Variants in NCKAP5 observed in about 807,000 individuals in gnomAD.
The protein encoded by NCKAP5 is NCK associated protein 5.
NCKAP5 carries 92 observed loss-of-function variants against 167.0 expected under a neutral mutation model. The observed-to-expected ratio is 0.55, with a 90% CI of 0.47 to 0.66. The LOEUF is 0.66. NCKAP5 is among the 30% of genes least tolerant of loss of function. The pLI is 0.00. For synonymous variants in NCKAP5, 891 were observed against 877.4 expected (o/e 1.02, Z -0.27); for missense variants, 2,378 against 2,315.0 (o/e 1.03, Z -0.56).
chr2:133,524,702 A>T (rs930180459), intron 2 of NCKAP5, among the ~76,000 whole-genome samples: 1 of 152,182 alleles, frequency 6.6e-6, no homozygotes, highest in Non-Finnish European at 1.5e-5. Flanking sequence ...TCCTCTTTGT[A>T]TTGAAATCTT....
intron 3 of NCKAP5, among the ~76,000 whole-genome samples, chr2:133,395,558 A>G (rs1378970132): frequency 6.6e-6 from 1 of 152,164 alleles, no homozygotes; most frequent in Non-Finnish European, 1.5e-5. Context: ...ATTATACAGT[A>G]GTTTCTAGAA....
intron 2 of NCKAP5, among the ~76,000 whole-genome samples, chr2:133,552,381 G>T (rs1237502860): frequency 7.5e-6 from 1 of 133,570 alleles, no homozygotes; most frequent in Non-Finnish European, 1.6e-5. Flanking sequence ...TTAAGAAAAT[G>T]TGGCACATAT....
the NCKAP5 span, among the ~76,000 whole-genome samples, chr2:133,663,085 C>T: frequency 1.3e-5 from 2 of 151,874 alleles, no homozygotes; most frequent in African/African-American, 2.4e-5. Flanking sequence ...GCTAACAAGG[C>T]GAAACCCCGT....
intron 6 of NCKAP5, among the ~76,000 whole-genome samples, chr2:133,106,218 A>G (rs575065870): frequency 0.035 from 4,012 of 113,458 alleles, 109 homozygotes; most frequent in East Asian, 0.16. Flanking sequence ...GTGTGAATGC[A>G]GGAGGTGGAG....
At chr2:133,490,287 T>C (rs1321632949) in intron 3 of NCKAP5, among the ~76,000 whole-genome samples, 1 of 151,832 alleles carries the variant, frequency 6.6e-6, no homozygotes, top group African/African-American at 2.4e-5. Context: ...CCATGGAGAG[T>C]AGTTACGGCG....
chr2:132,878,805 A>G, intron 9 of NCKAP5, 43 bp downstream of exon 9: 1 of 1,455,778 alleles, frequency 6.9e-7, no homozygotes, highest in Non-Finnish European at 9.7e-7. Flanking sequence ...AGGGAATCCC[A>G]ACTAGTCCAG....
intron 16 of NCKAP5, among the ~76,000 whole-genome samples, chr2:132,759,695 T>C (rs919713246): frequency 6.6e-6 from 1 of 152,092 alleles, no homozygotes; most frequent in Non-Finnish European, 1.5e-5. Flanking sequence ...TTTTCTGTCC[T>C]TTTACTTTCA....
At chr2:133,378,756 G>A (rs1574835667) in intron 3 of NCKAP5, among the ~76,000 whole-genome samples, 2 of 152,156 alleles carry the variant, frequency 1.3e-5, no homozygotes, top group East Asian at 3.9e-4. Flanking sequence ...AGTTCATTAA[G>A]TGCTGCTTAA....
At chr2:133,210,047 C>A (rs964937694) in intron 5 of NCKAP5, among the ~76,000 whole-genome samples, 8 of 151,852 alleles carry the variant, frequency 5.3e-5, no homozygotes, top group African/African-American at 1.9e-4. Context: ...CACTTATAAT[C>A]CCAGCTCCTT....
chr2:133,015,239 CT>C (rs2078289744), intron 6 of NCKAP5, among the ~76,000 whole-genome samples: 1 of 152,082 alleles, frequency 6.6e-6, no homozygotes, highest in Admixed American at 6.5e-5. Context: ...AAGAAATGTG[CT>C]GCTTAAAGTG....
rs115268554 is a variant in NCKAP5, at chr2:133,038,222, G to A, written c.342-43983C>T. Among the ~76,000 whole-genome samples, 1,324 of 152,242 alleles carry A rather than the reference G, an allele frequency of 8.7e-3. 15 individuals carry two copies. The highest frequency in any genetic ancestry group is 0.029 in the African/African-American group (1,217 of 41,552). On this transcript the variant is annotated intron_variant, in intron 6 of 19. Transcript: ENST00000409261. ...GCTAAGATTTGGAAGGAACTGAAGTGTTCATCAACAGATGAATGGATACAG... is the reference window on the plus strand; with the variant it reads ...GCTAAGATTTGGAAGGAACTGAAGTATTCATCAACAGATGAATGGATACAG...
chr2:132,740,000 C>T (rs1423906444), intron 16 of NCKAP5, among the ~76,000 whole-genome samples: 1 of 152,172 alleles, frequency 6.6e-6, no homozygotes. Context: ...CAGTAACTTA[C>T]AGCACATGGA....
At chr2:133,357,470 T>C (rs905909816) in intron 3 of NCKAP5, among the ~76,000 whole-genome samples, 2 of 152,200 alleles carry the variant, frequency 1.3e-5, no homozygotes, top group Non-Finnish European at 2.9e-5. Flanking sequence ...TAGAATAATT[T>C]CTGTAATACA....
chr2:133,021,513 T>C (rs528274474), intron 6 of NCKAP5, among the ~76,000 whole-genome samples: 58 of 152,380 alleles, frequency 3.8e-4, no homozygotes, highest in African/African-American at 1.3e-3. Flanking sequence ...TATACACATA[T>C]AAGTGCATAC....
the NCKAP5 span, among the ~76,000 whole-genome samples, chr2:133,661,978 C>A: frequency 5.4e-5 from 8 of 148,564 alleles, no homozygotes; most frequent in South Asian, 1.1e-3. Flanking sequence ...CTTATATTGT[C>A]AAAAAAAAAA....
intron 5 of NCKAP5, among the ~76,000 whole-genome samples, chr2:133,196,179 C>T (rs939557374): frequency 6.6e-6 from 1 of 152,128 alleles, no homozygotes; most frequent in African/African-American, 2.4e-5. Flanking sequence ...TTGCCATGGA[C>T]CTTCACAGAA....
chr2:133,214,568 A>G (rs964504945), intron 4 of NCKAP5, among the ~76,000 whole-genome samples: 1 of 152,192 alleles, frequency 6.6e-6, no homozygotes, highest in Admixed American at 6.5e-5. Context: ...GCTTTCACTT[A>G]AAATATATCC....
At chr2:133,435,721 G>C (rs1002852976) in intron 3 of NCKAP5, among the ~76,000 whole-genome samples, 2 of 152,208 alleles carry the variant, frequency 1.3e-5, no homozygotes, top group African/African-American at 4.8e-5. Flanking sequence ...GGTTTAATTT[G>C]AGATATCCAC....
intron 6 of NCKAP5, among the ~76,000 whole-genome samples, chr2:133,019,234 A>G (rs116471438): frequency 0.015 from 2,301 of 152,344 alleles, 64 homozygotes; most frequent in African/African-American, 0.053. Context: ...GAGGCACTCA[A>G]TACGTTGCAG....
Sources: allele counts gnomAD v4.1 joint callset (sites outside exome capture counted in the v4.1 genomes callset), GRCh38; gene constraint gnomAD v4.1.1; transcripts MANE v1.5; gene names NCBI Gene and HGNC (gene_info 2026-07-23, HGNC 2026-07-21).